TAFA3: variants seen among roughly 807,000 people sequenced by gnomAD.
The protein encoded by TAFA3 is chemokine-like protein TAFA-3.
In TAFA3, 17 loss-of-function variants were observed where a neutral mutation model predicts 20.7. The ratio of observed to expected loss-of-function variants is 0.82; its 90% CI spans 0.56 to 1.23. The LOEUF (loss-of-function observed/expected upper bound fraction) is 1.23, where lower values mean the gene tolerates loss of function less well. TAFA3 is among the 50% of genes most tolerant of loss of function. TAFA3 has a pLI of 0.00. For synonymous variants in TAFA3, 74 were observed against 71.8 expected (o/e 1.03, Z -0.16); for missense variants, 174 against 172.8 (o/e 1.01, Z -0.04).
chr1:112,721,892 T>C (rs982727202), intron 2 of TAFA3, among the ~76,000 whole-genome samples: 5 of 152,180 alleles, frequency 3.3e-5, no homozygotes, highest in African/African-American at 1.2e-4. Context: ...AGGACAGTTG[T>C]GAAGAATTCA....
At chr1:112,722,206 G>A (rs1675343530) in intron 2 of TAFA3, 27 bp from the exon 3 acceptor site, 1 of 1,610,488 alleles carries the variant, frequency 6.2e-7, no homozygotes. Context: ...GCCTGGAGCT[G>A]AGCAGAATGT....
rs1380765009 is a variant in TAFA3, at chr1:112,726,477, C to G, written c.391-152C>G. Reference sequence around the variant, plus strand: ...GTCTGACGTATGTTTGCATGGGTCACCAGGCCATGCTTTCCCATTCCGGCC... The same window carrying G: ...GTCTGACGTATGTTTGCATGGGTCAGCAGGCCATGCTTTCCCATTCCGGCC... On this transcript the variant is annotated intron_variant, in intron 5 of 5. Coordinates refer to ENST00000361886, the MANE Select transcript of TAFA3 (RefSeq NM_182759.3). 9.4e-6 allele frequency: 7 copies of G among 745,938 alleles called. No homozygotes were observed. The African/African-American group carries it at 1.2e-4, about 13-fold the overall frequency. The allele number at this position is 745,938 out of a possible 1,614,324, so 46.2% of individuals were successfully genotyped here.
At chr1:112,724,517 A>G (rs1277206870) in intron 5 of TAFA3, among the ~76,000 whole-genome samples, 1 of 151,198 alleles carries the variant, frequency 6.6e-6, no homozygotes, top group East Asian at 1.9e-4. Context: ...CATCATTCTC[A>G]GTAAACTATC....
chr1:112,719,450 C>A (rs562337377), intron 1 of TAFA3, among the ~76,000 whole-genome samples, 151 bp downstream of exon 1: 7 of 152,308 alleles, frequency 4.6e-5, no homozygotes, highest in African/African-American at 1.7e-4. Context: ...CCTCACTAAA[C>A]CCCTGGATTG....
chr1:112,720,504 C>T (rs111837950), intron 1 of TAFA3, 73 bp from the exon 2 acceptor site: 3 of 152,400 alleles, frequency 2.0e-5, no homozygotes, highest in African/African-American at 7.2e-5. Flanking sequence ...CCCAGGTTCT[C>T]CTTCACCCCC....
chr1:112,719,460 G>A (rs1273015658), intron 1 of TAFA3, among the ~76,000 whole-genome samples, 161 bp downstream of exon 1: 1 of 152,192 alleles, frequency 6.6e-6, no homozygotes, highest in Non-Finnish European at 1.5e-5. Flanking sequence ...CCCCTGGATT[G>A]GGATTTAGGA....
chr1:112,726,525 C>A, intron 5 of TAFA3, 104 bp from the exon 6 acceptor site: 5 of 1,207,538 alleles, frequency 4.1e-6, no homozygotes, highest in Non-Finnish European at 6.1e-6. Flanking sequence ...AGAGGATTGG[C>A]AGCAATGTCC....
chr1:112,724,816 CAAAAAAAAAAAAA>C, intron 5 of TAFA3, among the ~76,000 whole-genome samples: 1 of 22,654 alleles, frequency 4.4e-5, no homozygotes, highest in Non-Finnish European at 6.9e-5. Flanking sequence ...ATTAGAGCAG[CAAAAAAAAAAAAA>C]AAAAAAAAAA....
intron 2 of TAFA3, among the ~76,000 whole-genome samples, chr1:112,721,725 T>C (rs187435937): frequency 6.6e-5 from 10 of 152,340 alleles, no homozygotes; most frequent in Admixed American, 2.0e-4. Context: ...CAATTCCCCA[T>C]TGGTTTTTTT....
intron 4 of TAFA3, among the ~76,000 whole-genome samples, chr1:112,723,508 C>G (rs987467703): frequency 2.0e-5 from 3 of 152,136 alleles, no homozygotes; most frequent in Non-Finnish European, 2.9e-5. Context: ...GCCTACTCTC[C>G]TCTCCTTCTC....
Position 112,719,142 on chromosome 1 carries a change from C to G in TAFA3, c.-217C>G, listed in dbSNP as rs1027552542. Among the ~76,000 whole-genome samples, 3 of 152,214 alleles carry G rather than the reference C, an allele frequency of 2.0e-5. No individual in the cohort carries two copies. The highest frequency in any genetic ancestry group is 4.8e-5 in the African/African-American group (2 of 41,450). On this transcript the variant is annotated 5_prime_UTR_variant, in exon 1 of 6. Transcript: ENST00000361886. The stretch of plus-strand genomic sequence containing the variant: ...GACCAGAACCCCGCTGTCCCGGGGG[C>G]GCAGCAACTTGGTGAAGGGGACAGG...
At chr1:112,725,721 T>C (rs779024776) in intron 5 of TAFA3, among the ~76,000 whole-genome samples, 23 of 152,240 alleles carry the variant, frequency 1.5e-4, no homozygotes, top group Non-Finnish European at 3.1e-4. Context: ...TCATGGCTAA[T>C]CAGCCGCATT....
chr1:112,723,792 G>A (rs1675390001), intron 4 of TAFA3, among the ~76,000 whole-genome samples: 1 of 152,202 alleles, frequency 6.6e-6, no homozygotes, highest in South Asian at 2.1e-4. Context: ...TGTCTGGGGA[G>A]ATGCAGGGAT....
In TAFA3 at chr1:112,719,168, G is replaced by T. The variant is rs555218921; in HGVS notation, c.-191G>T. ...GCAGCAACTTGGTGAAGGGGACAGG[G>T]CTCCGGACTAGACAGCACCCAAGCT... On this transcript the variant is annotated 5_prime_UTR_variant, in exon 1 of 6. Transcript: ENST00000361886. 2.6e-5 allele frequency among the ~76,000 whole-genome samples: 4 copies of T among 152,364 alleles called. No homozygotes were observed. Among genetic ancestry groups the T allele is most frequent in the South Asian group, 4.1e-4 (2 of 4,834 alleles).
chr1:112,723,015 G>T lies in TAFA3; in HGVS notation c.116-1G>T, dbSNP rs1179274006. The stretch of plus-strand genomic sequence containing the variant: ...GTCTGATCCTGGGCGGCTCCCCTCA[G>T]TGCTTGTGCAGCAGGGCACCTGCGA... On this transcript the variant is annotated splice_acceptor_variant, in intron 3 of 5. Transcript: ENST00000361886. LOFTEE classifies it high-confidence loss of function. 1 of 1,610,870 alleles carries T rather than the reference G, an allele frequency of 6.2e-7. No individual in the cohort carries two copies. Among genetic ancestry groups the T allele is most frequent in the East Asian group, 2.2e-5 (1 of 44,816 alleles).
Position 112,718,964 on chromosome 1 carries a change from G to A in TAFA3, c.-395G>A, listed in dbSNP as rs1675264845. Among the ~76,000 whole-genome samples the A allele has an allele frequency of 2.0e-5, 3 of 152,222 alleles. No individual in the cohort carries two copies. Among genetic ancestry groups the A allele is most frequent in the Admixed American group, 2.0e-4 (3 of 15,288 alleles). Reference sequence around the variant, plus strand: ...GCTGGAGGAGCGGGGGTAGCCCGGGGCGAGGCGGCGGTTGCGGCGGCGGCT... The same window carrying A: ...GCTGGAGGAGCGGGGGTAGCCCGGGACGAGGCGGCGGTTGCGGCGGCGGCT... On this transcript the variant is annotated 5_prime_UTR_variant, in exon 1 of 6. Transcript: ENST00000361886.
intron 5 of TAFA3, among the ~76,000 whole-genome samples, chr1:112,724,816 C>CAAAAAAAAA: frequency 1.8e-4 from 4 of 22,652 alleles, no homozygotes; most frequent in Non-Finnish European, 2.8e-4. Context: ...ATTAGAGCAG[C>CAAAAAAAAA]AAAAAAAAAA....
rs1675366932 is a variant in TAFA3, at chr1:112,723,024, CA to C, written c.125del (p.Gln42ArgfsTer7). ...LQPPTATVLVQQGTCEVIAAH... is the reference protein window; with the variant it reads ...LQPPTATVLVXQGTCEVIAAH... Reference sequence around the variant, plus strand: ...TGGGCGGCTCCCCTCAGTGCTTGTGCAGCAGGGCACCTGCGAGGTGATTGCG... The same window carrying C: ...TGGGCGGCTCCCCTCAGTGCTTGTGCGCAGGGCACCTGCGAGGTGATTGCG... On this transcript the variant is annotated frameshift_variant, in exon 4 of 6. Coordinates refer to ENST00000361886, the MANE Select transcript of TAFA3 (RefSeq NM_182759.3). LOFTEE classifies it high-confidence loss of function. The C allele has an allele frequency of 1.2e-6, 2 of 1,611,640 alleles. No individual in the cohort carries two copies. Among genetic ancestry groups the C allele is most frequent in the Non-Finnish European group, 1.7e-6 (2 of 1,179,244 alleles).
intron 3 of TAFA3, 77 bp downstream of exon 3, chr1:112,722,425 C>A: frequency 8.0e-7 from 1 of 1,256,852 alleles, no homozygotes; most frequent in Non-Finnish European, 1.1e-6. Context: ...CCACCGTGTT[C>A]CATAGCAGGC....
Sources: allele counts gnomAD v4.1 joint callset (sites outside exome capture counted in the v4.1 genomes callset), GRCh38; gene constraint gnomAD v4.1.1; transcripts MANE v1.5; gene names NCBI Gene and HGNC (gene_info 2026-07-23, HGNC 2026-07-21).